Variants in GALNT13 observed in about 807,000 individuals in gnomAD.
GALNT13 encodes the protein UDP-GalNAc:polypeptide N-acetylgalactosaminyltransferase 13.
GALNT13 carries 28 observed loss-of-function variants against 64.2 expected under a neutral mutation model. That is an observed-to-expected ratio of 0.44 (90% CI 0.32 to 0.60). The LOEUF (loss-of-function observed/expected upper bound fraction) is 0.60. GALNT13 is among the 20% of genes least tolerant of loss of function. GALNT13 has a pLI of 0.05. For missense variants in GALNT13, 577 were observed against 669.8 expected, an observed-to-expected ratio of 0.86 and a Z score of 1.53; for synonymous variants, 214 against 224.6, an observed-to-expected ratio of 0.95 and a Z score of 0.42.
the GALNT13 span, among the ~76,000 whole-genome samples, chr2:153,838,829 A>T: frequency 6.6e-6 from 1 of 151,766 alleles, no homozygotes; most frequent in South Asian, 2.1e-4. Flanking sequence ...AATGTCTTTG[A>T]AGTTTTGATA....
intron 9 of GALNT13, among the ~76,000 whole-genome samples, chr2:154,347,417 T>A (rs1335592736): frequency 6.6e-6 from 1 of 152,164 alleles, no homozygotes; most frequent in African/African-American, 2.4e-5. Context: ...TTTTTAAATT[T>A]TTATGTACTT....
At chr2:153,211,888 G>A in the GALNT13 span, among the ~76,000 whole-genome samples, 1 of 152,160 alleles carries the variant, frequency 6.6e-6, no homozygotes, top group African/African-American at 2.4e-5. Context: ...GTTGTTAGAT[G>A]CAGTCTGAAC....
intron 9 of GALNT13, among the ~76,000 whole-genome samples, chr2:154,347,283 G>A (rs1017618172): frequency 1.3e-5 from 2 of 152,010 alleles, no homozygotes; most frequent in Non-Finnish European, 2.9e-5. Context: ...TTAGTATATT[G>A]ATTATCAATT....
intron 3 of GALNT13, among the ~76,000 whole-genome samples, chr2:153,983,808 G>T (rs1694622752): frequency 6.6e-6 from 1 of 151,888 alleles, no homozygotes; most frequent in South Asian, 2.1e-4. Context: ...TTCATTCTGT[G>T]CCCTTTGTAT....
the GALNT13 span, among the ~76,000 whole-genome samples, chr2:153,621,162 TTTA>T: frequency 5.3e-5 from 8 of 152,106 alleles, no homozygotes; most frequent in African/African-American, 1.9e-4. Flanking sequence ...AGCCACCTAA[TTTA>T]TAGCTAACAT....
At chr2:153,393,974 ACACACACACACACACACC>A in the GALNT13 span, among the ~76,000 whole-genome samples, 21,434 of 127,332 alleles carry the variant, frequency 0.17, 1,581 homozygotes, top group African/African-American at 0.21. Context: ...ACACACACAC[ACACACACACACACACACC>A]CCCTATTGGT....
At chr2:154,331,425 C>T (rs948908905) in intron 9 of GALNT13, among the ~76,000 whole-genome samples, 3 of 151,990 alleles carry the variant, frequency 2.0e-5, no homozygotes, top group African/African-American at 4.8e-5. Flanking sequence ...ACCTCAGCCT[C>T]TCCAGTAGCT....
At chr2:153,256,224 C>A in the GALNT13 span, among the ~76,000 whole-genome samples, 1 of 150,934 alleles carries the variant, frequency 6.6e-6, no homozygotes, top group Non-Finnish European at 1.5e-5. Flanking sequence ...ATTTCATCTT[C>A]CATCGCTGAT....
the GALNT13 span, among the ~76,000 whole-genome samples, chr2:153,779,021 G>C: frequency 6.6e-5 from 10 of 152,106 alleles, no homozygotes; most frequent in Admixed American, 6.5e-4. Flanking sequence ...TCTAAACTCA[G>C]CTTCCTCAGC....
the GALNT13 span, among the ~76,000 whole-genome samples, chr2:153,084,366 T>C: frequency 6.6e-6 from 1 of 152,226 alleles, no homozygotes; most frequent in Non-Finnish European, 1.5e-5. Context: ...TACTCATCCA[T>C]GAGTATGGAA....
intron 4 of GALNT13, among the ~76,000 whole-genome samples, chr2:154,203,991 A>G (rs903406905): frequency 1.3e-5 from 2 of 152,132 alleles, no homozygotes; most frequent in African/African-American, 2.4e-5. Context: ...TACGCCATCA[A>G]TCTCTGACTT....
At chr2:153,095,864 C>T in the GALNT13 span, among the ~76,000 whole-genome samples, 19 of 151,338 alleles carry the variant, frequency 1.3e-4, no homozygotes, top group East Asian at 5.9e-4. Context: ...GGATGGGGAA[C>T]ATCACACACC....
chr2:153,152,173 T>C, the GALNT13 span, among the ~76,000 whole-genome samples: 1 of 152,048 alleles, frequency 6.6e-6, no homozygotes, highest in South Asian at 2.1e-4. Context: ...ATTTTCCTTA[T>C]TAGAAATGAC....
the GALNT13 span, among the ~76,000 whole-genome samples, chr2:153,779,172 C>T: frequency 6.6e-6 from 1 of 151,762 alleles, no homozygotes; most frequent in Non-Finnish European, 1.5e-5. Context: ...GACAATATAT[C>T]TTTCCTTTTT....
chr2:153,827,110 G>A, the GALNT13 span, among the ~76,000 whole-genome samples: 70 of 152,036 alleles, frequency 4.6e-4, no homozygotes, highest in African/African-American at 1.5e-3. Context: ...CAATCATGGC[G>A]GAAGGCAAGC....
the GALNT13 span, among the ~76,000 whole-genome samples, chr2:153,393,181 T>A: frequency 1.1e-4 from 17 of 152,200 alleles, no homozygotes; most frequent in African/African-American, 3.6e-4. Context: ...ATACATAGTA[T>A]GCCAAAAACC....
intron 3 of GALNT13, among the ~76,000 whole-genome samples, chr2:154,076,598 C>G (rs10490536): frequency 0.2 from 30,811 of 151,542 alleles, 4,046 homozygotes; most frequent in Middle Eastern, 0.33. Context: ...CCTAGCACCT[C>G]ATAGTATTTT....
chr2:153,100,460 A>G, the GALNT13 span, among the ~76,000 whole-genome samples: 1 of 152,122 alleles, frequency 6.6e-6, no homozygotes, highest in Non-Finnish European at 1.5e-5. Context: ...TATTGTGACT[A>G]TTTGGGGACT....
intron 10 of GALNT13, among the ~76,000 whole-genome samples, chr2:154,400,695 T>C (rs1249738850): frequency 6.6e-6 from 1 of 152,182 alleles, no homozygotes; most frequent in East Asian, 1.9e-4. Context: ...TGCTTTGAAC[T>C]AAAACCTTTA....
Sources: allele counts gnomAD v4.1 joint callset (sites outside exome capture counted in the v4.1 genomes callset), GRCh38; gene constraint gnomAD v4.1.1; transcripts MANE v1.5; gene names NCBI Gene and HGNC (gene_info 2026-07-23, HGNC 2026-07-21).